SLC2A13: variants seen among roughly 807,000 people sequenced by gnomAD.
SLC2A13 encodes the protein solute carrier family 2 member 13.
SLC2A13 carries 32 observed loss-of-function variants against 64.4 expected under a neutral mutation model. The ratio of observed to expected loss-of-function variants is 0.50; its 90% CI spans 0.37 to 0.67. The LOEUF is 0.67. SLC2A13 is among the 30% of genes least tolerant of loss of function. SLC2A13 has a pLI of 0.00. For missense variants in SLC2A13, 743 were observed against 829.2 expected (o/e 0.90, Z 1.28); for synonymous variants, 338 against 327.1 (o/e 1.03, Z -0.36).
chr12:39,968,984 T>C (rs1946590209), intron 3 of SLC2A13, among the ~76,000 whole-genome samples: 2 of 152,022 alleles, frequency 1.3e-5, no homozygotes, highest in African/African-American at 4.8e-5. Flanking sequence ...GTGTGTGATG[T>C]TCCCCTTCTT....
chr12:40,016,847 A>G (rs1346593328), intron 3 of SLC2A13, among the ~76,000 whole-genome samples: 1 of 152,196 alleles, frequency 6.6e-6, no homozygotes, highest in Non-Finnish European at 1.5e-5. Context: ...TCAAAAAATA[A>G]GTTTTTTCGA....
At chr12:40,036,520 A>G (rs1459887574) in intron 2 of SLC2A13, among the ~76,000 whole-genome samples, 1 of 152,152 alleles carries the variant, frequency 6.6e-6, no homozygotes, top group African/African-American at 2.4e-5. Context: ...TTCTGACCCC[A>G]TTGCACATTG....
At chr12:40,015,589 C>T (rs1006185076) in intron 3 of SLC2A13, among the ~76,000 whole-genome samples, 2 of 152,216 alleles carry the variant, frequency 1.3e-5, no homozygotes, top group African/African-American at 4.8e-5. Context: ...AGGGCCATGA[C>T]TCACCTTTCT....
intron 1 of SLC2A13, among the ~76,000 whole-genome samples, chr12:40,098,116 T>C (rs1939020435): frequency 6.6e-6 from 1 of 151,904 alleles, no homozygotes; most frequent in Non-Finnish European, 1.5e-5. Context: ...TATATGTGTG[T>C]GTATATATAG....
At chr12:39,784,338 C>T (rs1439029721) in intron 7 of SLC2A13, among the ~76,000 whole-genome samples, 1 of 152,200 alleles carries the variant, frequency 6.6e-6, no homozygotes, top group African/African-American at 2.4e-5. Flanking sequence ...TAGAAGGCTA[C>T]AGTAACCAAA....
At chr12:39,985,286 T>C (rs1465934111) in intron 3 of SLC2A13, among the ~76,000 whole-genome samples, 1 of 152,156 alleles carries the variant, frequency 6.6e-6, no homozygotes, top group Non-Finnish European at 1.5e-5. Flanking sequence ...TAGCTTCCCT[T>C]TACTGTTATG....
chr12:40,094,834 T>A (rs1849304321), intron 1 of SLC2A13, among the ~76,000 whole-genome samples: 1 of 152,094 alleles, frequency 6.6e-6, no homozygotes, highest in Admixed American at 6.5e-5. Context: ...AAGAAGAAAT[T>A]TTATGAGACA....
At chr12:39,935,164 A>G (rs1945897307) in intron 4 of SLC2A13, among the ~76,000 whole-genome samples, 1 of 152,178 alleles carries the variant, frequency 6.6e-6, no homozygotes, top group South Asian at 2.1e-4. Context: ...CAGAGGTGGG[A>G]AGATAGCTTG....
chr12:39,848,376 C>T (rs1943376633), intron 6 of SLC2A13, among the ~76,000 whole-genome samples: 1 of 152,106 alleles, frequency 6.6e-6, no homozygotes, highest in Non-Finnish European at 1.5e-5. Flanking sequence ...CATGAACAGA[C>T]ACCTCTCAAA....
intron 6 of SLC2A13, 32 bp from the exon 7 acceptor site, chr12:39,830,260 G>T: frequency 6.2e-7 from 1 of 1,603,778 alleles, no homozygotes; most frequent in Non-Finnish European, 8.5e-7. Flanking sequence ...CGTCATGTTG[G>T]CAGAGACAAC....
At chr12:39,891,723 G>A (rs1162114174) in intron 4 of SLC2A13, among the ~76,000 whole-genome samples, 1 of 152,114 alleles carries the variant, frequency 6.6e-6, no homozygotes, top group African/African-American at 2.4e-5. Flanking sequence ...CATGCCTTAG[G>A]TTAGTGACAG....
chr12:39,976,941 C>CA (rs1163739811), intron 3 of SLC2A13, among the ~76,000 whole-genome samples: 1 of 152,154 alleles, frequency 6.6e-6, no homozygotes, highest in Non-Finnish European at 1.5e-5. Flanking sequence ...CTAACCCTAG[C>CA]ATTGCCATCT....
intron 4 of SLC2A13, among the ~76,000 whole-genome samples, chr12:39,935,382 A>G (rs763143912): frequency 2.5e-4 from 38 of 152,230 alleles, no homozygotes; most frequent in Admixed American, 1.7e-3. Flanking sequence ...CAAAGCTTGA[A>G]TGTTGTGGCT....
chr12:40,082,222 C>T (rs1298231081), intron 1 of SLC2A13, among the ~76,000 whole-genome samples: 1 of 152,188 alleles, frequency 6.6e-6, no homozygotes, highest in South Asian at 2.1e-4. Flanking sequence ...ACTGAGCAAT[C>T]CTGTGACTCA....
chr12:39,809,033 G>A (rs1239349953), intron 7 of SLC2A13, among the ~76,000 whole-genome samples: 22 of 152,054 alleles, frequency 1.4e-4, no homozygotes, highest in Admixed American at 1.4e-3. Context: ...AATGTTTTAT[G>A]ATTTTAGCTT....
intron 1 of SLC2A13, among the ~76,000 whole-genome samples, chr12:40,084,870 T>C (rs1938540258): frequency 6.6e-6 from 1 of 152,190 alleles, no homozygotes; most frequent in Admixed American, 6.5e-5. Flanking sequence ...AGATGACTGG[T>C]AGCCCCTAGG....
intron 4 of SLC2A13, among the ~76,000 whole-genome samples, chr12:39,882,533 C>T (rs902041485): frequency 5.9e-5 from 9 of 152,138 alleles, no homozygotes; most frequent in Non-Finnish European, 1.2e-4. Flanking sequence ...TTGAAATTTC[C>T]GAAGATGCAC....
At chr12:39,825,216 T>C (rs1942636670) in intron 7 of SLC2A13, among the ~76,000 whole-genome samples, 2 of 152,144 alleles carry the variant, frequency 1.3e-5, no homozygotes, top group African/African-American at 4.8e-5. Flanking sequence ...CTATTTTAAA[T>C]AGTCAGGAGG....
At chr12:40,056,125 A>G (rs527597720) in intron 1 of SLC2A13, among the ~76,000 whole-genome samples, 13 of 152,088 alleles carry the variant, frequency 8.5e-5, no homozygotes, top group African/African-American at 2.9e-4. Context: ...TAATATTCCA[A>G]TACTAAGATA....
Sources: allele counts gnomAD v4.1 joint callset (sites outside exome capture counted in the v4.1 genomes callset), GRCh38; gene constraint gnomAD v4.1.1; transcripts MANE v1.5; gene names NCBI Gene and HGNC (gene_info 2026-07-23, HGNC 2026-07-21).